The following GABRG3 variants were observed in gnomAD, a reference collection of about 807,000 sequenced individuals.
GABRG3 encodes gamma-aminobutyric acid receptor subunit gamma-3.
GABRG3 carries 25 observed loss-of-function variants against 48.8 expected under a neutral mutation model. That is an observed-to-expected ratio of 0.51 (90% CI 0.37 to 0.72). GABRG3 has a LOEUF of 0.72. Among genes scored for constraint, GABRG3 ranks in the 30% least tolerant of loss-of-function variants. The pLI is 0.00. For synonymous variants in GABRG3, 227 were observed against 217.6 expected (o/e 1.04, Z -0.38); for missense variants, 394 against 577.9 (o/e 0.68, Z 3.26).
At chr15:27,295,705 C>T (rs1595647953) in intron 3 of GABRG3, among the ~76,000 whole-genome samples, 1 of 152,188 alleles carries the variant, frequency 6.6e-6, no homozygotes, top group African/African-American at 2.4e-5. Flanking sequence ...AATTAGAGTG[C>T]AAGCCCCTCC....
intron 5 of GABRG3, among the ~76,000 whole-genome samples, chr15:27,367,785 T>A (rs1376902205): frequency 6.6e-6 from 1 of 152,220 alleles, no homozygotes; most frequent in African/African-American, 2.4e-5. Context: ...TGCCATGTGG[T>A]CCTTGCTGAT....
rs200508095 is a variant in GABRG3, at chr15:27,356,984, CT to C, written c.574+28102del. Among the ~76,000 whole-genome samples, 1,358 of 152,200 alleles carry C rather than the reference CT, an allele frequency of 8.9e-3. 6 individuals carry two copies. The highest frequency in any genetic ancestry group is 0.015 in the Non-Finnish European group (1,037 of 68,022). On this transcript the variant is annotated intron_variant, in intron 5 of 9. Coordinates refer to ENST00000615808, the MANE Select transcript of GABRG3 (RefSeq NM_033223.5). ...GTGTTCATTATAAAATCCTTTCAAC[CT>C]TTTTTGTATATTTGGAATTTTCATA...
intron 3 of GABRG3, among the ~76,000 whole-genome samples, chr15:27,230,937 T>G (rs984812635): frequency 2.0e-5 from 3 of 152,086 alleles, no homozygotes; most frequent in Admixed American, 2.0e-4. Context: ...GGGCTATTGT[T>G]TGGTCCTTTG....
rs1016407379 is a variant in GABRG3 at position 26,976,758 on chromosome 15, G to A, written c.54-244G>A. Among the ~76,000 whole-genome samples the A allele has an allele frequency of 1.1e-3, 168 of 152,296 alleles. No individual in the cohort carries two copies. The Middle Eastern group carries it at 0.014, about 12-fold the overall frequency. On this transcript the variant is annotated intron_variant, in intron 1 of 9. Transcript: ENST00000615808. This position sits in a 1 kb window ranked among gnomAD's most constrained non-coding sequence, Gnocchi z 7.8. ...TGTCTGTAGTTTAACTGGGATGGGG[G>A]ATGGTCTTCTGGCATTTAATAAAAA... is the stretch of plus-strand genomic sequence containing the variant.
chr15:26,996,461 C>T (rs1272561562), intron 2 of GABRG3, among the ~76,000 whole-genome samples: 2 of 151,902 alleles, frequency 1.3e-5, no homozygotes, highest in Admixed American at 1.3e-4. Context: ...TCTTGTATGT[C>T]ATAAATTGTT....
At chr15:27,307,740 TAG>T (rs1351918632) in intron 3 of GABRG3, among the ~76,000 whole-genome samples, 1 of 129,018 alleles carries the variant, frequency 7.8e-6, no homozygotes, top group Admixed American at 8.0e-5. Context: ...TATATAATCA[TAG>T]GTTTATATAT....
intron 5 of GABRG3, among the ~76,000 whole-genome samples, chr15:27,359,613 G>C (rs1894955576): frequency 6.6e-6 from 1 of 152,094 alleles, no homozygotes; most frequent in Non-Finnish European, 1.5e-5. Flanking sequence ...GAACATAACA[G>C]AACATAAAAT....
chr15:27,479,836 G>A (rs1213516162), intron 5 of GABRG3, among the ~76,000 whole-genome samples: 1 of 152,224 alleles, frequency 6.6e-6, no homozygotes, highest in Non-Finnish European at 1.5e-5. Flanking sequence ...GCAGTAAAAA[G>A]AGAGCAGGTG....
At chr15:27,146,433 C>T (rs938941468) in intron 3 of GABRG3, among the ~76,000 whole-genome samples, 4 of 152,010 alleles carry the variant, frequency 2.6e-5, no homozygotes, top group African/African-American at 7.2e-5. Context: ...CTCCAGCCTG[C>T]GTGACACGGT....
intron 3 of GABRG3, among the ~76,000 whole-genome samples, chr15:27,196,723 AG>A (rs1888507371): frequency 6.6e-6 from 1 of 152,258 alleles, no homozygotes; most frequent in Non-Finnish European, 1.5e-5. Flanking sequence ...AGACGCACAA[AG>A]AAGTTAAGAC....
intron 6 of GABRG3, among the ~76,000 whole-genome samples, chr15:27,518,281 A>T (rs1247251563): frequency 1.3e-5 from 2 of 150,586 alleles, no homozygotes; most frequent in Non-Finnish European, 2.9e-5. Flanking sequence ...GGGCAAGAGA[A>T]TTGCTTGAAC....
chr15:27,514,875 C>T (rs1890981397), intron 6 of GABRG3, among the ~76,000 whole-genome samples: 2 of 152,116 alleles, frequency 1.3e-5, no homozygotes, highest in South Asian at 4.1e-4. Context: ...AGCCACTAAT[C>T]ACAGAATTCA....
intron 3 of GABRG3, among the ~76,000 whole-genome samples, chr15:27,252,136 C>T (rs73361525): frequency 0.13 from 19,006 of 151,980 alleles, 3,546 homozygotes; most frequent in African/African-American, 0.41. Flanking sequence ...TCGGGGGACA[C>T]GAGGGTGATT....
chr15:27,460,314 T>A (rs554179808), intron 5 of GABRG3, among the ~76,000 whole-genome samples: 3 of 152,230 alleles, frequency 2.0e-5, no homozygotes, highest in Non-Finnish European at 4.4e-5. Context: ...GTGTCCCTGC[T>A]GGAGGCTGAG....
At chr15:27,237,573 A>G (rs1595604751) in intron 3 of GABRG3, among the ~76,000 whole-genome samples, 1 of 152,316 alleles carries the variant, frequency 6.6e-6, no homozygotes, top group East Asian at 1.9e-4. Flanking sequence ...AGGGACAGGG[A>G]TAAGTTAGGA....
At chr15:27,062,699 T>C (rs1896672047) in intron 3 of GABRG3, among the ~76,000 whole-genome samples, 1 of 152,108 alleles carries the variant, frequency 6.6e-6, no homozygotes, top group South Asian at 2.1e-4. Flanking sequence ...ATAGATAGTT[T>C]TAACTAACTG....
intron 3 of GABRG3, among the ~76,000 whole-genome samples, chr15:27,303,094 C>A (rs77087400): frequency 0.013 from 1,964 of 151,576 alleles, 41 homozygotes; most frequent in African/African-American, 0.045. Context: ...AAAACAGACT[C>A]AAATCAAGCC....
At chr15:27,252,964 C>T (rs896925303) in intron 3 of GABRG3, among the ~76,000 whole-genome samples, 2 of 152,122 alleles carry the variant, frequency 1.3e-5, no homozygotes, top group African/African-American at 4.8e-5. Context: ...TTGCTTTGAC[C>T]AAAAAAGAGC....
chr15:27,426,478 G>A (rs563655567), intron 5 of GABRG3, among the ~76,000 whole-genome samples: 15 of 152,172 alleles, frequency 9.9e-5, no homozygotes, highest in Non-Finnish European at 1.5e-4. Context: ...CATGAGGTAC[G>A]AAACACACGT....
Sources: gnomAD v4.1 joint callset for allele counts (sites outside exome capture counted in the v4.1 genomes callset) on GRCh38, gnomAD v4.1.1 for gene constraint, Gnocchi (gnomAD v3.1) non-coding constraint, MANE v1.5 for transcripts, NCBI Gene and HGNC (gene_info 2026-07-23, HGNC 2026-07-21) for gene names.